Variants in TNRC6B observed in about 807,000 individuals in gnomAD.
TNRC6B encodes the protein trinucleotide repeat-containing gene 6B protein.
Under a neutral mutation model 203.6 loss-of-function variants are expected in TNRC6B, and 52 were observed. The ratio of observed to expected loss-of-function variants is 0.26; its 90% CI spans 0.20 to 0.32. TNRC6B has a LOEUF of 0.32. Among genes scored for constraint, TNRC6B ranks in the 10% least tolerant of loss-of-function variants. The pLI is 1.00. For synonymous variants in TNRC6B, 838 were observed against 845.7 expected (o/e 0.99, Z 0.16); for missense variants, 1,923 against 2,286.2 (o/e 0.84, Z 3.24).
rs1463428767 is a variant in TNRC6B, at chr22:40,322,943, C to G, written c.5204C>G (p.Pro1735Arg). Reference protein sequence around the residue: ...RFLAQAQPPTPAATPSAPAAG... With the variant: ...RFLAQAQPPTRAATPSAPAAG... ...CTGGCACAAGCTCAGCCCCCTACAC[C>G]TGCAGCAACCCCAAGTGCGCCAGCT... Residue 1735 changes from proline to arginine, a missense_variant, in exon 23 of 23, where the codon CCT becomes CGT. Physicochemically the swap from Pro to Arg is moderately radical, Grantham distance 103. Transcript: ENST00000454349. The G allele has an allele frequency of 1.9e-5, 31 of 1,613,608 alleles. No homozygotes were observed. The highest frequency in any genetic ancestry group is 2.5e-5 in the Non-Finnish European group (30 of 1,179,758).
At chr22:40,321,477 T>G in intron 22 of TNRC6B, 1 of 452,114 alleles carries the variant, frequency 2.2e-6, no homozygotes, top group East Asian at 3.6e-5. Context: ...TGTGAAGTAG[T>G]GAGTAAATTC....
chr22:40,087,336 C>T (rs2068109446), intron 1 of TNRC6B, among the ~76,000 whole-genome samples: 1 of 152,156 alleles, frequency 6.6e-6, no homozygotes, highest in South Asian at 2.1e-4. Flanking sequence ...TGTTCAGGAT[C>T]TAATTCAGCC....
chr22:40,288,641 C>T (rs970763398), intron 12 of TNRC6B, among the ~76,000 whole-genome samples: 1 of 151,890 alleles, frequency 6.6e-6, no homozygotes, highest in Non-Finnish European at 1.5e-5. Context: ...CTCCCAAGTT[C>T]AAGTGATTCT....
At chr22:40,253,284 G>A (rs548243881) in intron 3 of TNRC6B, among the ~76,000 whole-genome samples, 1 of 150,436 alleles carries the variant, frequency 6.6e-6, no homozygotes, top group East Asian at 2.0e-4. Context: ...TAGAGACGGG[G>A]TTTCACCATG....
At chr22:40,186,221 TTCC>T (rs1569012387) in intron 1 of TNRC6B, among the ~76,000 whole-genome samples, 1 of 152,006 alleles carries the variant, frequency 6.6e-6, no homozygotes, top group Non-Finnish European at 1.5e-5. Context: ...AGGACAGTCA[TTCC>T]TCATCACAGA....
intron 1 of TNRC6B, among the ~76,000 whole-genome samples, chr22:40,073,914 A>G (rs766643981): frequency 1.3e-5 from 2 of 152,086 alleles, no homozygotes; most frequent in African/African-American, 2.4e-5. Flanking sequence ...AAAACAATAC[A>G]AAAAATTAGT....
intron 15 of TNRC6B, among the ~76,000 whole-genome samples, chr22:40,306,375 G>A (rs1182025912): frequency 2.6e-5 from 4 of 152,254 alleles, no homozygotes; most frequent in Non-Finnish European, 5.9e-5. Context: ...GAAAATTAAT[G>A]TGTAAGGAAT....
intron 1 of TNRC6B, among the ~76,000 whole-genome samples, chr22:40,183,985 G>A (rs980476909): frequency 6.6e-6 from 1 of 152,086 alleles, no homozygotes; most frequent in Non-Finnish European, 1.5e-5. Context: ...ATGAGCCACC[G>A]TGCACAACAG....
intron 1 of TNRC6B, among the ~76,000 whole-genome samples, chr22:40,238,122 C>T (rs1393888550): frequency 6.6e-6 from 1 of 152,076 alleles, no homozygotes; most frequent in Non-Finnish European, 1.5e-5. Context: ...TACTTGGAGG[C>T]CCTACTGTGT....
chr22:40,134,781 T>C (rs774534886), intron 3 of TNRC6B, among the ~76,000 whole-genome samples: 11 of 152,226 alleles, frequency 7.2e-5, no homozygotes, highest in Non-Finnish European at 1.6e-4. Flanking sequence ...AACATGTTAC[T>C]AACAGCAGAA....
At position 40,201,046 on chromosome 22, in the gene TNRC6B, GATACACGTAGGGTGCT is replaced by G. The variant is rs571056626; in HGVS notation, c.5+22911_5+22926del. On this transcript the variant is annotated intron_variant, in intron 1 of 22. Coordinates refer to ENST00000454349, the MANE Select transcript of TNRC6B (RefSeq NM_001162501.2). ...AGCTGTTGTGAGCATCACACGTGGT[GATACACGTAGGGTGCT>G]ATACTTGTGGGTGGCACATGGCAAG... is the stretch of plus-strand genomic sequence containing the variant. Among the ~76,000 whole-genome samples, 11 of 152,330 alleles carry G rather than the reference GATACACGTAGGGTGCT, an allele frequency of 7.2e-5. No individual in the cohort carries two copies. The East Asian group carries it at 2.1e-3, about 29-fold the overall frequency.
At chr22:40,172,120 TC>T (rs1487753659) in intron 4 of TNRC6B, among the ~76,000 whole-genome samples, 3 of 152,124 alleles carry the variant, frequency 2.0e-5, no homozygotes, top group African/African-American at 7.2e-5. Context: ...CCTCAAGAGA[TC>T]CGCCTGCCTT....
At chr22:40,145,513 T>C (rs1381013222) in intron 3 of TNRC6B, among the ~76,000 whole-genome samples, 4 of 152,086 alleles carry the variant, frequency 2.6e-5, no homozygotes, top group South Asian at 4.1e-4. Flanking sequence ...ATAAAATGGG[T>C]AGGATTTAGC....
chr22:40,188,438 C>A (rs1228293892), intron 1 of TNRC6B, among the ~76,000 whole-genome samples: 1 of 152,016 alleles, frequency 6.6e-6, no homozygotes, highest in African/African-American at 2.4e-5. Flanking sequence ...TTTTGTTTTT[C>A]TTTAGAAGTG....
intron 1 of TNRC6B, among the ~76,000 whole-genome samples, chr22:40,243,282 G>T (rs572992496): frequency 3.3e-4 from 50 of 152,274 alleles, no homozygotes; most frequent in Middle Eastern, 6.8e-3. Context: ...ATAAATTTTT[G>T]ATTTAAAAGT....
intron 1 of TNRC6B, among the ~76,000 whole-genome samples, chr22:40,239,396 G>A (rs1407218103): frequency 6.6e-6 from 1 of 152,156 alleles, no homozygotes; most frequent in Non-Finnish European, 1.5e-5. Flanking sequence ...CAGTACCGGT[G>A]TCATCTGCCT....
At position 40,328,020 on chromosome 22, in the gene TNRC6B, A is replaced by G. The variant is rs913531513; in HGVS notation, c.*4779A>G. ...ACCAGACAGAGGACCTCTGCTGTCA[A>G]TTAGATCCAGTATCATGACCTAACT... On this transcript the variant is annotated 3_prime_UTR_variant, in exon 23 of 23. Transcript: ENST00000454349. 17 of 152,214 alleles carry G rather than the reference A, an allele frequency of 1.1e-4. No homozygotes were observed. Among genetic ancestry groups the G allele is most frequent in the African/African-American group, 2.7e-4 (11 of 41,446 alleles). 9.4% of individuals were successfully genotyped at this position (152,214 alleles called of 1,614,324 possible).
chr22:40,106,383 A>T, intron 1 of TNRC6B: 1 of 1,232,278 alleles, frequency 8.1e-7, no homozygotes, highest in Non-Finnish European at 1.2e-6. Context: ...TCCACCTTCT[A>T]CAAAATGGGT....
intron 1 of TNRC6B, among the ~76,000 whole-genome samples, chr22:40,054,961 C>T (rs1042517951): frequency 6.6e-6 from 1 of 151,952 alleles, no homozygotes; most frequent in African/African-American, 2.4e-5. Flanking sequence ...TGCTTGAGCC[C>T]GGGAGGCAGA....
Sources: allele counts gnomAD v4.1 joint callset (sites outside exome capture counted in the v4.1 genomes callset), GRCh38; gene constraint gnomAD v4.1.1; transcripts MANE v1.5; gene names NCBI Gene and HGNC (gene_info 2026-07-23, HGNC 2026-07-21).